Variants in TTK observed in about 807,000 individuals in gnomAD.
The protein encoded by TTK is dual specificity protein kinase TTK.
A neutral mutation model predicts 117.3 loss-of-function variants in TTK; 59 were observed. The ratio of observed to expected loss-of-function variants is 0.50; its 90% CI spans 0.41 to 0.62. The LOEUF is 0.62. Ranked by LOEUF, TTK falls within the 20% of genes least tolerant of loss-of-function variation. The pLI is 0.00. For synonymous variants in TTK, 302 were observed against 325.0 expected (o/e 0.93, Z 0.76); for missense variants, 921 against 989.4 (o/e 0.93, Z 0.93).
At chr6:80,026,262 A>T in intron 11 of TTK, 116 bp from the exon 12 acceptor site, 1 of 1,057,174 alleles carries the variant, frequency 9.5e-7, no homozygotes, top group African/African-American at 1.6e-5. Flanking sequence ...CTCTTTTAGT[A>T]TGCCTTTGTA....
intron 17 of TTK, among the ~76,000 whole-genome samples, chr6:80,036,936 TTA>T (rs570461138): frequency 6.6e-6 from 1 of 152,088 alleles, no homozygotes; most frequent in South Asian, 2.1e-4. Context: ...GGAGTTGCAG[TTA>T]TATGTTTTTC....
rs758261126 is a variant in TTK at position 80,035,133 on chromosome 6, T to A, written c.1763T>A (p.Leu588His). ...LQQHSDKIIR[L>H]YDYEITDQYI... is the part of the protein sequence containing the mutation. ...CAACACAGTGATAAGATCATCCGAC[T>A]TTATGATTAGTAAGAATTCTTTTTA... is the stretch of plus-strand genomic sequence containing the variant. The change falls in exon 15 of 22, where the codon CTT becomes CAT. Residue 588 changes from leucine (L) to histidine (H), a missense_variant. By Grantham distance (99) the Leu-to-His change is moderately conservative. Transcript: ENST00000369798. 1.3e-5 allele frequency: 20 copies of A among 1,552,626 alleles called. No homozygotes were observed. Among genetic ancestry groups the A allele is most frequent in the Non-Finnish European group, 8.6e-7 (1 of 1,156,340 alleles).
In TTK at chr6:80,007,991, A is replaced by ACATG; in HGVS notation, c.322_323insCATG (p.Ser108ThrfsTer5). 66 of 1,591,420 alleles carry ACATG rather than the reference A, an allele frequency of 4.1e-5. No individual in the cohort carries two copies. Among genetic ancestry groups the ACATG allele is most frequent in the Non-Finnish European group, 5.3e-5 (62 of 1,159,832 alleles). Reference sequence around the variant, plus strand: ...CCCAGATAAATATGGCCAAAATGAGAGTTTTGCTAGAATTCAAGTGAGATT... The same window carrying ACATG: ...CCCAGATAAATATGGCCAAAATGAGACATGGTTTTGCTAGAATTCAAGTGAGATT... On this transcript the variant is annotated frameshift_variant, in exon 3 of 22. Transcript: ENST00000369798. LOFTEE classifies it high-confidence loss of function.
At chr6:80,039,119 G>A (rs141973780) in intron 18 of TTK, among the ~76,000 whole-genome samples, 46 of 152,116 alleles carry the variant, frequency 3.0e-4, no homozygotes, top group African/African-American at 9.6e-4. Flanking sequence ...TTGTGTAATT[G>A]GCTTAGATAT....
At position 80,022,357 on chromosome 6, in the gene TTK, A is replaced by G. The variant is rs746296225; in HGVS notation, c.1142A>G (p.Glu381Gly). The part of the protein sequence containing the change: ...TKEYQEPEVP[E>G]SNQKQWQSKR... ...GAGTATCAAGAACCAGAGGTTCCAG[A>G]GAGTAACCAGAAACAGTGGCAATCT... The change falls in exon 11 of 22, where the codon GAG becomes GGG. Residue 381 changes from glutamate to glycine, a missense_variant. By Grantham distance (98) the Glu-to-Gly change is moderately conservative. Coordinates refer to ENST00000369798, the MANE Select transcript of TTK (RefSeq NM_003318.5). 8 of 1,613,576 alleles carry G rather than the reference A, an allele frequency of 5.0e-6. No homozygotes were observed. The Admixed American group carries it at 1.3e-4, about 27-fold the overall frequency.
intron 12 of TTK, among the ~76,000 whole-genome samples, chr6:80,027,122 G>T (rs914019233): frequency 6.6e-6 from 1 of 152,080 alleles, no homozygotes; most frequent in African/African-American, 2.4e-5. Flanking sequence ...ACCATCAACC[G>T]GTGGCTATAT....
chr6:80,031,494 T>C lies in TTK; in HGVS notation c.1549T>C (p.Cys517Arg). 6.6e-7 allele frequency: 1 copy of C among 1,519,738 alleles called. No individual in the cohort carries two copies. The highest frequency in any genetic ancestry group is 8.8e-7 in the Non-Finnish European group (1 of 1,139,912). 94.1% of individuals were successfully genotyped at this position (1,519,738 alleles called of 1,614,324 possible). The change falls in exon 14 of 22, where the codon TGC (cysteine) becomes CGC (arginine). Residue 517 changes from cysteine (C) to arginine (R), a missense_variant. Transcript: ENST00000369798. ...TTTAGCATCTTCTTCAGCAAATGAA[T>C]GCATTTCGGTTAAAGGAAGAATTTA... ...QVLASSSANE[C>R]ISVKGRIYSI...
At chr6:80,013,623 G>A (rs931245370) in intron 9 of TTK, 7 of 256,222 alleles carry the variant, frequency 2.7e-5, no homozygotes, top group Admixed American at 5.5e-5. Context: ...TATTATGCAC[G>A]TGTTTAAGCA....
At chr6:80,007,038 A>AG (rs1287911599) in intron 2 of TTK, among the ~76,000 whole-genome samples, 1 of 152,186 alleles carries the variant, frequency 6.6e-6, no homozygotes, top group Admixed American at 6.5e-5. Flanking sequence ...TTTTTAAAAA[A>AG]CTAACACTGA....
intron 6 of TTK, 37 bp downstream of exon 6, chr6:80,011,585 C>A: frequency 1.9e-6 from 3 of 1,568,156 alleles, no homozygotes; most frequent in Non-Finnish European, 2.6e-6. Flanking sequence ...TGTTCATCTT[C>A]TATGTAAGTA....
chr6:80,011,007 TA>T, intron 5 of TTK, 50 bp downstream of exon 5: 1 of 1,535,862 alleles, frequency 6.5e-7, no homozygotes, highest in Non-Finnish European at 8.8e-7. Flanking sequence ...GTACTTCAAA[TA>T]AAGATTCGGG....
At chr6:80,036,214 C>G (rs1039496210) in intron 16 of TTK, among the ~76,000 whole-genome samples, 11 of 152,042 alleles carry the variant, frequency 7.2e-5, no homozygotes, top group Admixed American at 7.2e-4. Context: ...CCTTAGCTTC[C>G]TTGCCTTATA....
chr6:80,033,701 C>T (rs182044068), intron 14 of TTK, among the ~76,000 whole-genome samples: 11 of 152,244 alleles, frequency 7.2e-5, no homozygotes, highest in Admixed American at 2.6e-4. Context: ...ATCCCACTAA[C>T]AATAATTAGA....
At chr6:80,019,871 C>T (rs1037096202) in intron 10 of TTK, among the ~76,000 whole-genome samples, 1 of 152,012 alleles carries the variant, frequency 6.6e-6, no homozygotes, top group Non-Finnish European at 1.5e-5. Context: ...TCAATAAACT[C>T]AGACAAAAAT....
intron 10 of TTK, among the ~76,000 whole-genome samples, chr6:80,016,599 T>TA (rs1176472713): frequency 6.6e-6 from 1 of 152,166 alleles, no homozygotes; most frequent in Non-Finnish European, 1.5e-5. Flanking sequence ...TTTTAAGAGG[T>TA]ATTTATATGA....
At chr6:80,033,144 A>T (rs1339709667) in intron 14 of TTK, among the ~76,000 whole-genome samples, 1 of 152,208 alleles carries the variant, frequency 6.6e-6, no homozygotes, top group African/African-American at 2.4e-5. Context: ...AGCCTTTGGT[A>T]ACCACCATTG....
At chr6:80,040,536 C>A (rs763087656) in intron 20 of TTK, 70 bp from the exon 21 acceptor site, 4 of 1,366,794 alleles carry the variant, frequency 2.9e-6, no homozygotes, top group Non-Finnish European at 4.1e-6. Flanking sequence ...TGCTATTAAA[C>A]AAAATGTGTA....
At chr6:80,035,181 C>A in intron 15 of TTK, 39 bp downstream of exon 15, 1 of 1,524,262 alleles carries the variant, frequency 6.6e-7, no homozygotes, top group Non-Finnish European at 8.8e-7. Flanking sequence ...AAACTTTTTG[C>A]CATAATTCTT....
intron 19 of TTK, 139 bp downstream of exon 19, chr6:80,040,011 T>C (rs749697596): frequency 6.9e-6 from 7 of 1,020,816 alleles, no homozygotes; most frequent in Non-Finnish European, 9.4e-6. Flanking sequence ...TGAAGATGTT[T>C]TAAAGCTTGT....
Sources: allele counts gnomAD v4.1 joint callset (sites outside exome capture counted in the v4.1 genomes callset), GRCh38; gene constraint gnomAD v4.1.1; transcripts MANE v1.5; gene names NCBI Gene and HGNC (gene_info 2026-07-23, HGNC 2026-07-21).